The following PRX variants were observed in gnomAD, a reference collection of about 807,000 sequenced individuals.
PRX encodes the protein periaxin.
Under a neutral mutation model 29.6 loss-of-function variants are expected in PRX, and 24 were observed. That is an observed-to-expected ratio of 0.81 (90% CI 0.59 to 1.14). PRX has a LOEUF of 1.14. Ranked by LOEUF, PRX falls within the 50% of genes most tolerant of loss-of-function variation. PRX has a pLI of 0.00. For synonymous variants in PRX, 772 were observed against 831.7 expected (o/e 0.93, Z 1.24); for missense variants, 1,838 against 1,926.4 (o/e 0.95, Z 0.86).
chr19:40,399,907 T>C (rs113413557), intron 5 of PRX, among the ~76,000 whole-genome samples: 1,636 of 90,250 alleles, frequency 0.018, 15 homozygotes, highest in South Asian at 0.039. Context: ...TTCTTTCTTT[T>C]TCTTTCTTTC....
At chr19:40,407,777 C>G (rs2079538749) in intron 4 of PRX, 129 bp downstream of exon 4, 1 of 1,319,242 alleles carries the variant, frequency 7.6e-7, no homozygotes, top group Non-Finnish European at 1.1e-6. Flanking sequence ...AAAATAGACC[C>G]TGTTATTATT....
At position 40,394,764 on chromosome 19, in the gene PRX, TC is replaced by T. The variant is rs1317590341; in HGVS notation, c.3587del (p.Gly1196GlufsTer21). 6.2e-7 allele frequency: 1 copy of T among 1,613,510 alleles called. No individual in the cohort carries two copies. Among genetic ancestry groups the T allele is most frequent in the African/African-American group, 1.3e-5 (1 of 74,910 alleles). ...QVPQVTLSLP[G>X]AQVAGGELLV... ...GCAGCTCACCACCTGCAACCTGGGCTCCAGGCAGAGACAGGGTCACCTGGGG... is the reference window on the plus strand; with the variant it reads ...GCAGCTCACCACCTGCAACCTGGGCTCAGGCAGAGACAGGGTCACCTGGGG... On this transcript the variant is annotated frameshift_variant, in exon 7 of 7. Coordinates refer to ENST00000324001, the MANE Select transcript of PRX (RefSeq NM_181882.3). LOFTEE classifies it high-confidence loss of function. This position sits in a 1 kb window ranked among gnomAD's most constrained non-coding sequence, Gnocchi z 5.8.
At chr19:40,405,567 C>T (rs561073432) in intron 4 of PRX, among the ~76,000 whole-genome samples, 5 of 151,210 alleles carry the variant, frequency 3.3e-5, no homozygotes, top group African/African-American at 1.2e-4. Context: ...ACAGCATGAC[C>T]ACCAGTACCG....
rs1006266686 is a variant in PRX, at chr19:40,413,366, C to T, written c.-271G>A. ...TGAGCCTCCAGACACCTCGAGAGCT[C>T]CTGGTCCCGTCTGTCAGCCCTAGCC... On this transcript the variant is annotated 5_prime_UTR_variant, in exon 1 of 7. Coordinates refer to ENST00000324001, the MANE Select transcript of PRX (RefSeq NM_181882.3). 6.6e-6 allele frequency: 1 copy of T among 152,256 alleles called. No homozygotes were observed. The highest frequency in any genetic ancestry group is 2.4e-5 in the African/African-American group (1 of 41,398). 9.4% of individuals were successfully genotyped at this position (152,256 alleles called of 1,614,324 possible).
Position 40,398,820 on chromosome 19 carries a change from C to A in PRX, c.185-4G>T, listed in dbSNP as rs1322328826. ...CGGGCACTCAGCAGCTGGTCCCCTG[C>A]GGGCGAGGTGGAGGTGCGCAGCACG... On this transcript the variant is annotated splice_region_variant and splice_polypyrimidine_tract_variant and intron_variant, in intron 5 of 6. Coordinates refer to ENST00000324001, the MANE Select transcript of PRX (RefSeq NM_181882.3). This position sits in a 1 kb window ranked among gnomAD's most constrained non-coding sequence, Gnocchi z 6.3. 1 of 1,613,956 alleles carries A rather than the reference C, an allele frequency of 6.2e-7. No homozygotes were observed. Among genetic ancestry groups the A allele is most frequent in the Non-Finnish European group, 8.5e-7 (1 of 1,179,942 alleles).
At position 40,398,881 on chromosome 19, in the gene PRX, C is replaced by A; in HGVS notation, c.185-65G>T. The A allele has an allele frequency of 6.2e-7, 1 of 1,608,470 alleles. No homozygotes were observed. Among genetic ancestry groups the A allele is most frequent in the Non-Finnish European group, 8.5e-7 (1 of 1,177,238 alleles). On this transcript the variant is annotated intron_variant, in intron 5 of 6. Coordinates refer to ENST00000324001, the MANE Select transcript of PRX (RefSeq NM_181882.3). This position sits in a 1 kb window ranked among gnomAD's most constrained non-coding sequence, Gnocchi z 6.3. The stretch of plus-strand genomic sequence containing the variant: ...CCGGCTCCGCCCGGGCCTAGTTCTG[C>A]CCACTTGCACGGAGCCCTCGCGGTG...
In PRX at chr19:40,398,547, G is replaced by C. The variant is rs751523868; in HGVS notation, c.381+73C>G. 63 of 1,596,798 alleles carry C rather than the reference G, an allele frequency of 3.9e-5. No individual in the cohort carries two copies. In the East Asian group the frequency reaches 1.4e-3, roughly 35 times the overall value. On this transcript the variant is annotated intron_variant, in intron 6 of 6. Transcript: ENST00000324001. This position sits in a 1 kb window ranked among gnomAD's most constrained non-coding sequence, Gnocchi z 6.3. The stretch of plus-strand genomic sequence containing the variant: ...GGGCAAGGCTGGCCCACGATGGCGG[G>C]GAATGGGGCTCACGGCGCAGAGACC...
Position 40,394,493 on chromosome 19 carries a change from T to G in PRX, c.3859A>C (p.Asn1287His), listed in dbSNP as rs2145725536. The G allele has an allele frequency of 6.3e-7, 1 of 1,599,958 alleles. No individual in the cohort carries two copies. Among genetic ancestry groups the G allele is most frequent in the Admixed American group, 1.7e-5 (1 of 58,364 alleles). The change falls in exon 7 of 7, where the codon AAC becomes CAC. Residue 1287 changes from asparagine (N) to histidine (H), a missense_variant. Coordinates refer to ENST00000324001, the MANE Select transcript of PRX (RefSeq NM_181882.3). This position sits in a 1 kb window ranked among gnomAD's most constrained non-coding sequence, Gnocchi z 5.8. ...PDVELSPSGG[N>H]HAEYQVAEGE... is the part of the protein sequence containing the mutation. The stretch of plus-strand genomic sequence containing the variant: ...TCTGCCACCTGGTACTCGGCATGGT[T>G]GCCCCCGGATGGCGAGAGCTCCACG...
In PRX at chr19:40,394,134, C is replaced by T; in HGVS notation, c.4218G>A (p.Lys1406=). 1 of 1,599,648 alleles carries T rather than the reference C, an allele frequency of 6.3e-7. No individual in the cohort carries two copies. Among genetic ancestry groups the T allele is most frequent in the Non-Finnish European group, 8.5e-7 (1 of 1,170,348 alleles). ...CCCTGGGGAAGCGGAACTTGGGTGA[C>T]TTCTCTCTGACGGGGGACTTGGGGG... The part of the protein sequence containing the change: ...DAAPKSPVRE[K]SPKFRFPRVS... The change falls in exon 7 of 7, where the codon AAG becomes AAA. Residue 1406 remains lysine, a synonymous_variant. Transcript: ENST00000324001. This position sits in a 1 kb window ranked among gnomAD's most constrained non-coding sequence, Gnocchi z 5.8.
chr19:40,411,139 G>A (rs2079556701), intron 1 of PRX, among the ~76,000 whole-genome samples: 2 of 152,270 alleles, frequency 1.3e-5, no homozygotes, highest in South Asian at 2.1e-4. Context: ...GCTAGGACCC[G>A]TGCCTGCCCT....
chr19:40,407,021 G>A lies in PRX; in HGVS notation c.27+885C>T, dbSNP rs531915659. 2.3e-3 allele frequency among the ~76,000 whole-genome samples: 344 copies of A among 152,042 alleles called. 1 individual carries two copies. Among genetic ancestry groups the A allele is most frequent in the African/African-American group, 7.7e-3 (318 of 41,476 alleles). On this transcript the variant is annotated intron_variant, in intron 4 of 6. Coordinates refer to ENST00000324001, the MANE Select transcript of PRX (RefSeq NM_181882.3). ...ACTCCTAACCTCAAGTGATCCGCCC[G>A]CCTTGGCCTCCCGAAGTGCTGGGAT... is the stretch of plus-strand genomic sequence containing the variant.
chr19:40,408,816 G>GGTGGTGTGT (rs1555802636), intron 1 of PRX, among the ~76,000 whole-genome samples: 37 of 143,400 alleles, frequency 2.6e-4, no homozygotes, highest in African/African-American at 9.7e-4. Context: ...TGTTGTTGGT[G>GGTGGTGTGT]GTGTGTGTGT....
intron 4 of PRX, among the ~76,000 whole-genome samples, chr19:40,407,212 T>TTGTGTGTGTGTG (rs72256185): frequency 0.02 from 2,732 of 133,762 alleles, 103 homozygotes; most frequent in African/African-American, 0.068. Context: ...TTATATGCCC[T>TTGTGTGTGTGTG]TGTGTGTGTG....
chr19:40,397,913 C>A lies in PRX; in HGVS notation c.439G>T (p.Val147Phe). The A allele has an allele frequency of 1.2e-6, 2 of 1,612,502 alleles. No individual in the cohort carries two copies. The highest frequency in any genetic ancestry group is 1.3e-5 in the African/African-American group (1 of 75,024). Residue 147 changes from valine to phenylalanine, a missense_variant, in exon 7 of 7, where the codon GTC becomes TTC. Val to Phe is a conservative substitution (Grantham distance 50). This residue lies in a region of PRX where 666 missense variants were observed against 665.0 expected (regional missense o/e 1.00). Transcript: ENST00000324001. ...TCAACAGGGGCCAGGTCAGCGGGGA[C>A]CCCCAGAGCCCCAGGCACCATCTTC... ...KKKMVPGALG[V>F]PADLAPVDVE...
chr19:40,397,858 C>T lies in PRX; in HGVS notation c.494G>A (p.Arg165His), dbSNP rs780278195. 1.1e-5 allele frequency: 17 copies of T among 1,606,554 alleles called. No individual in the cohort carries two copies. The highest frequency in any genetic ancestry group is 1.2e-5 in the Non-Finnish European group (14 of 1,176,986). ...CTCGGCTTTGAGGCCCCGACGCAGG[C>T]GGGAGAACTTGGGAAAGGAGAACTC... ...DVEFSFPKFS[R>H]LRRGLKAEAV... is the part of the protein sequence containing the mutation. Residue 165 changes from arginine to histidine, a missense_variant, in exon 7 of 7, where the codon CGC (arginine) becomes CAC (histidine). Arg to His is a conservative substitution (Grantham distance 29). Transcript: ENST00000324001.
rs755440905 is a variant in PRX at position 40,394,296 on chromosome 19, G to C, written c.4056C>G (p.Pro1352=). 8 of 1,611,250 alleles carry C rather than the reference G, an allele frequency of 5.0e-6. No homozygotes were observed. In the South Asian group the frequency reaches 8.8e-5, roughly 18 times the overall value. The part of the protein sequence containing the change: ...EMVTGEGSPS[P]EEEEEEEEEG... Reference sequence around the variant, plus strand: ...CTTCCTCCTCCTCCTCCTCCTCCTCGGGGCTGGGGGACCCTTCCCCAGTGA... The same window carrying C: ...CTTCCTCCTCCTCCTCCTCCTCCTCCGGGCTGGGGGACCCTTCCCCAGTGA... The change falls in exon 7 of 7, where the codon CCC becomes CCG. Residue 1352 remains proline (P), a synonymous_variant. Transcript: ENST00000324001. This position sits in a 1 kb window ranked among gnomAD's most constrained non-coding sequence, Gnocchi z 5.8.
chr19:40,399,961 T>TTCTA (rs151322522), intron 5 of PRX, among the ~76,000 whole-genome samples: 24,493 of 148,534 alleles, frequency 0.16, 2,355 homozygotes, highest in Non-Finnish European at 0.2. Flanking sequence ...CTTTCTTTCT[T>TTCTA]TCTGTCTGTC....
chr19:40,394,912 G>A lies in PRX; in HGVS notation c.3440C>T (p.Pro1147Leu), dbSNP rs748957380. ...CACCTGTGGCAGGGAGATGCCCAGC[G>A]GAGGCATCCTCAGCCCCGCGTCATG... is the stretch of plus-strand genomic sequence containing the variant. ...EGHDAGLRMPPLGISLPQVEL... is the reference protein window; with the variant it reads ...EGHDAGLRMPLLGISLPQVEL... Residue 1147 changes from proline to leucine, a missense_variant, in exon 7 of 7, where the codon CCG (proline) becomes CTG (leucine). By Grantham distance (98) the Pro-to-Leu change is moderately conservative. Around this residue, in one of 3 missense-constraint regions of PRX, gnomAD observed 1,143 missense variants for 1,193.0 expected, o/e 0.96. Transcript: ENST00000324001. This position sits in a 1 kb window ranked among gnomAD's most constrained non-coding sequence, Gnocchi z 5.8. 2.1e-5 allele frequency: 34 copies of A among 1,610,298 alleles called. No homozygotes were observed. In the South Asian group the frequency reaches 2.4e-4, roughly 11 times the overall value.
chr19:40,396,375 G>A lies in PRX; in HGVS notation c.1977C>T (p.Leu659=), dbSNP rs774096350. ...GGAGTTTCATCTCTGGGACTTTCGGGAGCTGCACTTCCGGGAGGTGCACAT... is the reference window on the plus strand; with the variant it reads ...GGAGTTTCATCTCTGGGACTTTCGGAAGCTGCACTTCCGGGAGGTGCACAT... ...VPDVHLPEVQ[L]PKVPEMKLPK... Residue 659 remains leucine (L), a synonymous_variant, in exon 7 of 7, where the codon CTC becomes CTT. Transcript: ENST00000324001. 5 of 1,584,188 alleles carry A rather than the reference G, an allele frequency of 3.2e-6. No individual in the cohort carries two copies. The East Asian group carries it at 1.1e-4, about 36-fold the overall frequency.
Sources: allele counts gnomAD v4.1 joint callset (sites outside exome capture counted in the v4.1 genomes callset), GRCh38; gene constraint gnomAD v4.1.1; regional missense constraint gnomAD v4.1.1; non-coding constraint Gnocchi (gnomAD v3.1); transcripts MANE v1.5; gene names NCBI Gene and HGNC (gene_info 2026-07-23, HGNC 2026-07-21).